The following B3GALT1 variants were observed in gnomAD, a reference collection of about 807,000 sequenced individuals.
The protein encoded by B3GALT1 is beta-1,3-galactosyltransferase 1, also known as UDP-Gal:betaGlcNAc beta 1,3-galactosyltransferase, polypeptide 1.
In B3GALT1, 10 loss-of-function variants were observed where a neutral mutation model predicts 23.2. The observed-to-expected ratio is 0.43, with a 90% CI of 0.27 to 0.73. The LOEUF is 0.73. B3GALT1 is among the 30% of genes least tolerant of loss of function. The pLI is 0.21. For synonymous variants in B3GALT1, 156 were observed against 141.5 expected, an observed-to-expected ratio of 1.10 and a Z score of -0.73; for missense variants, 299 against 405.4, an observed-to-expected ratio of 0.74 and a Z score of 2.25.
At chr2:167,410,184 C>A (rs1003279262) in intron 1 of B3GALT1, among the ~76,000 whole-genome samples, 3 of 152,014 alleles carry the variant, frequency 2.0e-5, no homozygotes, top group Non-Finnish European at 4.4e-5. Flanking sequence ...GAACAGGAAA[C>A]CAAACACCCA....
At chr2:167,464,568 G>A (rs763031957) in intron 1 of B3GALT1, among the ~76,000 whole-genome samples, 3 of 152,124 alleles carry the variant, frequency 2.0e-5, no homozygotes, top group Non-Finnish European at 4.4e-5. Context: ...AAAGTAGAGC[G>A]AGGCAACACA....
chr2:167,564,228 C>T (rs1232534196), intron 2 of B3GALT1, among the ~76,000 whole-genome samples: 28 of 149,512 alleles, frequency 1.9e-4, no homozygotes, highest in African/African-American at 1.7e-4. Context: ...CCGGACGGGG[C>T]GGCAGGGCAG....
At chr2:167,382,528 C>G (rs894762129) in intron 1 of B3GALT1, among the ~76,000 whole-genome samples, 3 of 152,020 alleles carry the variant, frequency 2.0e-5, no homozygotes, top group African/African-American at 7.3e-5. Flanking sequence ...CAAGCACCCC[C>G]TTATGAGGAT....
intron 3 of B3GALT1, among the ~76,000 whole-genome samples, chr2:167,668,094 C>G (rs1267677547): frequency 6.6e-6 from 1 of 152,134 alleles, no homozygotes; most frequent in Non-Finnish European, 1.5e-5. Context: ...TACTTTTGGT[C>G]TTTGATGATG....
At chr2:167,765,826 C>T (rs139956773) in intron 3 of B3GALT1, among the ~76,000 whole-genome samples, 215 of 152,144 alleles carry the variant, frequency 1.4e-3, no homozygotes, top group Non-Finnish European at 2.3e-3. Context: ...TGTATTATAC[C>T]GATAAACCTT....
intron 3 of B3GALT1, among the ~76,000 whole-genome samples, chr2:167,782,540 T>C (rs1688264429): frequency 6.6e-6 from 1 of 152,204 alleles, no homozygotes; most frequent in Admixed American, 6.5e-5. Flanking sequence ...CTTACAAATA[T>C]TATTTTCAAA....
intron 4 of B3GALT1, among the ~76,000 whole-genome samples, chr2:167,841,175 T>TAATAAATA (rs143053564): frequency 1.5e-5 from 2 of 136,132 alleles, no homozygotes; most frequent in African/African-American, 5.5e-5. Flanking sequence ...TAAAGTATAA[T>TAATAAATA]AATAAATAAA....
intron 2 of B3GALT1, among the ~76,000 whole-genome samples, chr2:167,582,733 A>G (rs538223780): frequency 6.6e-6 from 1 of 152,262 alleles, no homozygotes; most frequent in Admixed American, 6.5e-5. Context: ...GCAGGAGTCT[A>G]GAAAGGATTC....
At chr2:167,715,946 T>C (rs1687136145) in intron 3 of B3GALT1, 2 of 1,612,990 alleles carry the variant, frequency 1.2e-6, no homozygotes, top group Admixed American at 3.3e-5. Context: ...CCAGTTCGCA[T>C]GGAAAACCAT....
At chr2:167,754,262 G>T (rs746528821) in intron 3 of B3GALT1, among the ~76,000 whole-genome samples, 13 of 152,098 alleles carry the variant, frequency 8.5e-5, no homozygotes, top group African/African-American at 3.1e-4. Context: ...GATTCTACAG[G>T]TTAATAAAAT....
intron 2 of B3GALT1, among the ~76,000 whole-genome samples, chr2:167,635,393 A>T (rs1328735946): frequency 6.6e-6 from 1 of 152,064 alleles, no homozygotes; most frequent in East Asian, 1.9e-4. Context: ...TCAAATAGAA[A>T]GAAAGGAAGT....
intron 4 of B3GALT1, among the ~76,000 whole-genome samples, chr2:167,843,872 A>T (rs892243460): frequency 6.6e-6 from 1 of 152,194 alleles, no homozygotes; most frequent in South Asian, 2.1e-4. Context: ...CAGACAGCAG[A>T]TCATTGTTAG....
intron 3 of B3GALT1, among the ~76,000 whole-genome samples, chr2:167,761,102 G>C (rs1687893525): frequency 6.6e-6 from 1 of 152,176 alleles, no homozygotes; most frequent in African/African-American, 2.4e-5. Context: ...ATTTTTCCAA[G>C]TGAAAAAGTA....
chr2:167,538,317 C>T (rs1019733647), intron 2 of B3GALT1, among the ~76,000 whole-genome samples: 1 of 152,150 alleles, frequency 6.6e-6, no homozygotes, highest in East Asian at 1.9e-4. Flanking sequence ...TGCATGCATA[C>T]AAATACATAT....
chr2:167,352,113 C>T (rs551652014), intron 1 of B3GALT1, among the ~76,000 whole-genome samples: 8 of 151,304 alleles, frequency 5.3e-5, no homozygotes, highest in South Asian at 2.1e-4. Context: ...GAGTGCACCA[C>T]CATACCCGGC....
chr2:167,411,704 A>G (rs150066977), intron 1 of B3GALT1, among the ~76,000 whole-genome samples: 427 of 152,344 alleles, frequency 2.8e-3, no homozygotes, highest in African/African-American at 9.7e-3. Flanking sequence ...CAGCAATCAC[A>G]GTACTAGGCA....
At chr2:167,315,383 AT>A (rs912326650) in intron 1 of B3GALT1, among the ~76,000 whole-genome samples, 9 of 152,040 alleles carry the variant, frequency 5.9e-5, no homozygotes, top group African/African-American at 2.2e-4. Context: ...TGGGTTGGAC[AT>A]TTTCAGAGTG....
At chr2:167,657,205 A>G (rs1388349174) in intron 3 of B3GALT1, among the ~76,000 whole-genome samples, 1 of 152,152 alleles carries the variant, frequency 6.6e-6, no homozygotes. Context: ...TCTGGTGGAC[A>G]GTTGAGTTTG....
intron 2 of B3GALT1, among the ~76,000 whole-genome samples, chr2:167,501,597 A>G (rs1699848642): frequency 6.6e-6 from 1 of 151,816 alleles, no homozygotes; most frequent in Admixed American, 6.6e-5. Context: ...TTATGAAACA[A>G]TTTGCATTAG....
Sources: allele counts gnomAD v4.1 joint callset (sites outside exome capture counted in the v4.1 genomes callset), GRCh38; gene constraint gnomAD v4.1.1; transcripts MANE v1.5; gene names NCBI Gene and HGNC (gene_info 2026-07-23, HGNC 2026-07-21).